TSHZ2: variants seen among roughly 807,000 people sequenced by gnomAD.
TSHZ2 encodes the protein teashirt zinc finger homeobox 2.
In TSHZ2, 21 loss-of-function variants were observed where a neutral mutation model predicts 74.4. The ratio of observed to expected loss-of-function variants is 0.28; its 90% CI spans 0.20 to 0.41. The LOEUF is 0.41. TSHZ2 is among the 10% of genes least tolerant of loss of function. TSHZ2 has a pLI of 1.00. For missense variants in TSHZ2, 1,244 were observed against 1,293.5 expected, an observed-to-expected ratio of 0.96 and a Z score of 0.59; for synonymous variants, 540 against 515.3, an observed-to-expected ratio of 1.05 and a Z score of -0.65.
At chr20:53,267,750 T>C (rs760755445) in intron 2 of TSHZ2, among the ~76,000 whole-genome samples, 12 of 152,260 alleles carry the variant, frequency 7.9e-5, no homozygotes, top group Non-Finnish European at 1.5e-4. Context: ...AAATGAGTGC[T>C]GACATACTCA....
intron 1 of TSHZ2, among the ~76,000 whole-genome samples, chr20:53,197,679 G>A (rs932874238): frequency 6.6e-6 from 1 of 152,172 alleles, no homozygotes; most frequent in South Asian, 2.1e-4. Context: ...TTCAAACGGA[G>A]GAACCGAGTC....
At chr20:53,023,734 T>C (rs1352777323) in intron 1 of TSHZ2, among the ~76,000 whole-genome samples, 1 of 152,216 alleles carries the variant, frequency 6.6e-6, no homozygotes, top group Non-Finnish European at 1.5e-5. Flanking sequence ...GTGAATATTT[T>C]GTGATATTCA....
At chr20:53,096,051 A>G (rs941320477) in intron 1 of TSHZ2, among the ~76,000 whole-genome samples, 2 of 152,162 alleles carry the variant, frequency 1.3e-5, no homozygotes, top group African/African-American at 4.8e-5. Flanking sequence ...AGCAGAAGCA[A>G]TTGTAGTCTA....
At chr20:53,112,593 A>G (rs752724390) in intron 1 of TSHZ2, among the ~76,000 whole-genome samples, 2 of 152,166 alleles carry the variant, frequency 1.3e-5, no homozygotes, top group Non-Finnish European at 2.9e-5. Flanking sequence ...CAGTGGTATG[A>G]TCATGGCTCA....
intron 2 of TSHZ2, among the ~76,000 whole-genome samples, chr20:53,269,944 A>G (rs1377947596): frequency 1.3e-5 from 2 of 152,192 alleles, no homozygotes; most frequent in Non-Finnish European, 2.9e-5. Context: ...TTTTTTATAT[A>G]AAATAATATA....
chr20:53,207,059 C>A (rs1244705730), intron 1 of TSHZ2, among the ~76,000 whole-genome samples: 2 of 152,170 alleles, frequency 1.3e-5, no homozygotes, highest in African/African-American at 4.8e-5. Flanking sequence ...AAATTATCGA[C>A]TCAAACTGTT....
intron 2 of TSHZ2, among the ~76,000 whole-genome samples, chr20:53,417,176 T>A (rs1473560471): frequency 6.6e-6 from 1 of 150,636 alleles, no homozygotes; most frequent in East Asian, 1.9e-4. Context: ...AAACTGTAGG[T>A]AAGAACTAAG....
chr20:53,203,821 T>C (rs1264298813), intron 1 of TSHZ2, among the ~76,000 whole-genome samples: 2 of 152,096 alleles, frequency 1.3e-5, no homozygotes, highest in South Asian at 2.1e-4. Flanking sequence ...AACTGGGTTA[T>C]AAACTCTGCC....
At chr20:53,431,804 G>A (rs1336099466) in intron 2 of TSHZ2, among the ~76,000 whole-genome samples, 1 of 152,144 alleles carries the variant, frequency 6.6e-6, no homozygotes, top group Admixed American at 6.5e-5. Context: ...TGTCTACTAT[G>A]TGCCAAGTAA....
intron 1 of TSHZ2, among the ~76,000 whole-genome samples, chr20:53,177,921 C>A (rs1988384178): frequency 6.6e-6 from 1 of 152,188 alleles, no homozygotes; most frequent in African/African-American, 2.4e-5. Context: ...ATCTCTCGCA[C>A]TGCTTTGGCT....
intron 1 of TSHZ2, among the ~76,000 whole-genome samples, chr20:53,113,747 A>G (rs374292539): frequency 1.3e-5 from 2 of 152,186 alleles, no homozygotes; most frequent in East Asian, 1.9e-4. Context: ...AATCCCTTTT[A>G]GTATTTGTGC....
In TSHZ2 at chr20:53,165,852, C is replaced by A. The variant is rs541824466; in HGVS notation, c.41-87647C>A. ...GCCCATTTGGGTCCACATGCAGACT[C>A]ACTCACAACGGTGACTGCAAACCCT... On this transcript the variant is annotated intron_variant, in intron 1 of 2. Coordinates refer to ENST00000371497, the MANE Select transcript of TSHZ2 (RefSeq NM_173485.6). Among the ~76,000 whole-genome samples, 10 of 152,320 alleles carry A rather than the reference C, an allele frequency of 6.6e-5. No individual in the cohort carries two copies. The South Asian group carries it at 1.5e-3, about 22-fold the overall frequency.
chr20:53,053,097 T>C (rs1340945825), intron 1 of TSHZ2, among the ~76,000 whole-genome samples: 1 of 152,214 alleles, frequency 6.6e-6, no homozygotes, highest in Non-Finnish European at 1.5e-5. Context: ...TTTCTGTCTC[T>C]ATAGATTGAC....
At chr20:53,348,756 A>G (rs932555437) in intron 2 of TSHZ2, among the ~76,000 whole-genome samples, 1 of 152,172 alleles carries the variant, frequency 6.6e-6, no homozygotes, top group Admixed American at 6.5e-5. Context: ...TTCTTCCCAA[A>G]TGTTTCTTTC....
chr20:52,978,081 C>T (rs1188833526), intron 1 of TSHZ2, among the ~76,000 whole-genome samples: 1 of 152,188 alleles, frequency 6.6e-6, no homozygotes, highest in African/African-American at 2.4e-5. Context: ...TTGTCATAGT[C>T]TCCAACGGAC....
At chr20:53,239,642 G>T (rs1990020261) in intron 1 of TSHZ2, among the ~76,000 whole-genome samples, 1 of 152,028 alleles carries the variant, frequency 6.6e-6, no homozygotes, top group Non-Finnish European at 1.5e-5. Flanking sequence ...CAATGGATTT[G>T]GTGCTTAACT....
intron 2 of TSHZ2, among the ~76,000 whole-genome samples, chr20:53,298,224 T>G (rs555505420): frequency 6.6e-6 from 1 of 152,356 alleles, no homozygotes; most frequent in Non-Finnish European, 1.5e-5. Context: ...GAGACATCAA[T>G]TGTAACTATG....
At chr20:53,052,304 T>C (rs1379403269) in intron 1 of TSHZ2, among the ~76,000 whole-genome samples, 1 of 152,190 alleles carries the variant, frequency 6.6e-6, no homozygotes, top group African/African-American at 2.4e-5. Context: ...GGGTCGCTAC[T>C]AGTCCTTTGC....
chr20:53,202,827 G>T (rs1377677992), intron 1 of TSHZ2, among the ~76,000 whole-genome samples: 1 of 152,184 alleles, frequency 6.6e-6, no homozygotes, highest in Non-Finnish European at 1.5e-5. Context: ...TTTGGGTTTT[G>T]ATGTATGCTA....
Sources: gnomAD v4.1 joint callset for allele counts (sites outside exome capture counted in the v4.1 genomes callset) on GRCh38, gnomAD v4.1.1 for gene constraint, MANE v1.5 for transcripts, NCBI Gene and HGNC (gene_info 2026-07-23, HGNC 2026-07-21) for gene names.